Variants in CNOT6 observed in about 807,000 individuals in gnomAD.
CNOT6 encodes carbon catabolite repression 4 protein.
CNOT6 carries 12 observed loss-of-function variants against 61.2 expected under a neutral mutation model. The observed-to-expected ratio is 0.20, with a 90% CI of 0.13 to 0.32. The LOEUF (loss-of-function observed/expected upper bound fraction) is 0.32. CNOT6 is among the 10% of genes least tolerant of loss of function. CNOT6 has a pLI of 1.00. For synonymous variants in CNOT6, 225 were observed against 240.6 expected, an observed-to-expected ratio of 0.94 and a Z score of 0.60; for missense variants, 405 against 663.9, an observed-to-expected ratio of 0.61 and a Z score of 4.28.
chr5:180,505,093 G>GGTA (rs1459321536), intron 1 of CNOT6, among the ~76,000 whole-genome samples: 1 of 150,360 alleles, frequency 6.7e-6, no homozygotes, highest in Non-Finnish European at 1.5e-5. Flanking sequence ...CAAGTAGCTG[G>GGTA]GACTACAGGC....
At chr5:180,526,953 TA>T (rs1758128996) in intron 1 of CNOT6, among the ~76,000 whole-genome samples, 2 of 151,706 alleles carry the variant, frequency 1.3e-5, no homozygotes, top group South Asian at 2.1e-4. Flanking sequence ...AGTCACATCT[TA>T]CTGCAGCCTC....
At chr5:180,571,526 C>T in intron 11 of CNOT6, 94 bp downstream of exon 11, 1 of 906,516 alleles carries the variant, frequency 1.1e-6, no homozygotes, top group Non-Finnish European at 1.8e-6. Context: ...GCTGTGTGTT[C>T]AGGCTGGAAT....
At chr5:180,532,539 A>G (rs1758446686) in intron 2 of CNOT6, among the ~76,000 whole-genome samples, 1 of 152,182 alleles carries the variant, frequency 6.6e-6, no homozygotes, top group African/African-American at 2.4e-5. Context: ...CACCACAGTC[A>G]TCAACACAAA....
rs1757193368 is a variant in CNOT6, at chr5:180,507,755, G to GA, written c.-3+12992_-3+12993insA. On this transcript the variant is annotated intron_variant, in intron 1 of 11. Coordinates refer to ENST00000261951, the MANE Select transcript of CNOT6 (RefSeq NM_001370472.1). Reference sequence around the variant, plus strand: ...AAGAAAAGGGGTTTAATTGGCTCTTGGTTCCACAGGCTGTGCAGGAAACGT... The same window carrying GA: ...AAGAAAAGGGGTTTAATTGGCTCTTGAGTTCCACAGGCTGTGCAGGAAACGT... Among the ~76,000 whole-genome samples, 7 of 143,326 alleles carry GA rather than the reference G, an allele frequency of 4.9e-5. No individual in the cohort carries two copies. In the Admixed American group the frequency reaches 4.9e-4, roughly 10 times the overall value. The allele number at this position is 143,326 out of a possible 152,430, so 94.0% of individuals were successfully genotyped here.
chr5:180,512,540 T>A (rs945344302), intron 1 of CNOT6, among the ~76,000 whole-genome samples: 4 of 152,244 alleles, frequency 2.6e-5, no homozygotes, highest in Non-Finnish European at 5.9e-5. Context: ...TCATTTTAAG[T>A]GGGTATAGGA....
At chr5:180,515,687 G>A (rs148576780) in intron 1 of CNOT6, among the ~76,000 whole-genome samples, 392 of 152,074 alleles carry the variant, frequency 2.6e-3, no homozygotes, top group African/African-American at 9.0e-3. Flanking sequence ...TTTCATATGC[G>A]CCCTAACTTA....
Position 180,571,293 on chromosome 5 carries a change from G to A in CNOT6, c.1322G>A (p.Arg441Lys). The A allele has an allele frequency of 6.2e-7, 1 of 1,614,026 alleles. No individual in the cohort carries two copies. The highest frequency in any genetic ancestry group is 8.5e-7 in the Non-Finnish European group (1 of 1,179,884). Residue 441 changes from arginine to lysine, a missense_variant, in exon 11 of 12, where the codon AGG becomes AAG. Transcript: ENST00000261951. ...AATCACAAAGACTTTAAGGAGTTGA[G>A]GTATAATGAAAGTCTCACAAACTTC... Reference protein sequence around the residue: ...ETNHKDFKELRYNESLTNFSC... With the variant: ...ETNHKDFKELKYNESLTNFSC...
At chr5:180,550,956 C>T (rs1290073520) in intron 3 of CNOT6, among the ~76,000 whole-genome samples, 1 of 152,036 alleles carries the variant, frequency 6.6e-6, no homozygotes, top group East Asian at 1.9e-4. Context: ...GTTGTGTGAT[C>T]TTGGACAACC....
At chr5:180,565,773 T>C (rs1760417932) in intron 6 of CNOT6, 47 bp from the exon 7 acceptor site, 1 of 1,494,468 alleles carries the variant, frequency 6.7e-7, no homozygotes, top group East Asian at 2.3e-5. Flanking sequence ...TAATTATATA[T>C]TTTTTTCTGC....
At chr5:180,509,099 T>A (rs967380408) in intron 1 of CNOT6, among the ~76,000 whole-genome samples, 1 of 152,070 alleles carries the variant, frequency 6.6e-6, no homozygotes, top group Non-Finnish European at 1.5e-5. Context: ...TGATTACAGG[T>A]GTGAGCCACA....
intron 1 of CNOT6, 37 bp from the exon 2 acceptor site, chr5:180,529,238 A>AT (rs1310480731): frequency 1.1e-6 from 1 of 908,200 alleles, no homozygotes; most frequent in South Asian, 1.5e-5. Context: ...TGTTTATTTG[A>AT]TTTTTTAGAA....
intron 1 of CNOT6, among the ~76,000 whole-genome samples, chr5:180,516,401 C>T (rs1315044836): frequency 6.6e-6 from 1 of 151,968 alleles, no homozygotes; most frequent in Non-Finnish European, 1.5e-5. Context: ...AGGATGGTCT[C>T]GATCTCCCAA....
At chr5:180,543,921 C>T (rs1759172191) in intron 2 of CNOT6, among the ~76,000 whole-genome samples, 1 of 152,128 alleles carries the variant, frequency 6.6e-6, no homozygotes, top group African/African-American at 2.4e-5. Context: ...CGCCATTCTC[C>T]TGCTTCAGCC....
At chr5:180,506,930 A>G (rs945590468) in intron 1 of CNOT6, among the ~76,000 whole-genome samples, 2 of 152,218 alleles carry the variant, frequency 1.3e-5, no homozygotes, top group African/African-American at 4.8e-5. Flanking sequence ...GTGTTACAGA[A>G]TGTGAGATAA....
At chr5:180,537,260 C>T (rs1758745973) in intron 2 of CNOT6, among the ~76,000 whole-genome samples, 2 of 152,144 alleles carry the variant, frequency 1.3e-5, no homozygotes. Flanking sequence ...ATCATTTTGC[C>T]CTCCTACCAG....
chr5:180,573,958 G>T (rs755078273), intron 11 of CNOT6, 30 bp from the exon 12 acceptor site: 13 of 1,458,292 alleles, frequency 8.9e-6, no homozygotes, highest in African/African-American at 1.4e-5. Flanking sequence ...GTCTTATACG[G>T]TGCTTATCTT....
chr5:180,527,362 G>T (rs1758146899), intron 1 of CNOT6, among the ~76,000 whole-genome samples: 1 of 151,942 alleles, frequency 6.6e-6, no homozygotes, highest in Admixed American at 6.6e-5. Context: ...AAGATATTTG[G>T]TCTTTTGTCA....
At chr5:180,550,889 A>G (rs1056939815) in intron 3 of CNOT6, among the ~76,000 whole-genome samples, 2 of 152,186 alleles carry the variant, frequency 1.3e-5, no homozygotes, top group Admixed American at 6.5e-5. Flanking sequence ...TGAAATATAT[A>G]GCATTTGGAT....
intron 1 of CNOT6, among the ~76,000 whole-genome samples, chr5:180,501,972 G>A (rs1756886102): frequency 6.6e-6 from 1 of 152,126 alleles, no homozygotes; most frequent in South Asian, 2.1e-4. Context: ...AAGTCAGATA[G>A]TAGATTGGGC....
Sources: gnomAD v4.1 joint callset for allele counts (sites outside exome capture counted in the v4.1 genomes callset) on GRCh38, gnomAD v4.1.1 for gene constraint, MANE v1.5 for transcripts, NCBI Gene and HGNC (gene_info 2026-07-23, HGNC 2026-07-21) for gene names.